The following AK5 variants were observed in gnomAD, a reference collection of about 807,000 sequenced individuals.
AK5 encodes adenylate kinase 5, also known as adenylate kinase isoenzyme 5.
In AK5, 27 loss-of-function variants were observed where a neutral mutation model predicts 69.5. The ratio of observed to expected loss-of-function variants is 0.39; its 90% confidence interval spans 0.29 to 0.54. The LOEUF (loss-of-function observed/expected upper bound fraction) is 0.54, where lower values mean the gene tolerates loss of function less well. Ranked by LOEUF, AK5 falls within the 20% of genes least tolerant of loss-of-function variation. The pLI is 0.71. For missense variants in AK5, 531 were observed against 700.4 expected (o/e 0.76, Z 2.73); for synonymous variants, 260 against 244.4 (o/e 1.06, Z -0.60).
At chr1:77,365,075 G>A (rs1335373642) in intron 6 of AK5, among the ~76,000 whole-genome samples, 1 of 152,112 alleles carries the variant, frequency 6.6e-6, no homozygotes, top group Non-Finnish European at 1.5e-5. Flanking sequence ...TACCTGGTGA[G>A]ATGATACTTC....
intron 6 of AK5, among the ~76,000 whole-genome samples, chr1:77,360,872 C>T (rs1646850737): frequency 6.6e-6 from 1 of 152,172 alleles, no homozygotes; most frequent in Non-Finnish European, 1.5e-5. Context: ...ACAAGATAAA[C>T]TCCCTGCCTT....
intron 10 of AK5, among the ~76,000 whole-genome samples, chr1:77,506,265 AT>A (rs202128976): frequency 1.3e-4 from 16 of 122,932 alleles, no homozygotes; most frequent in East Asian, 4.7e-4. Context: ...GTTTTTTTTC[AT>A]TTTTTGGGGT....
intron 12 of AK5, among the ~76,000 whole-genome samples, chr1:77,524,914 C>G (rs766296396): frequency 9.2e-5 from 14 of 152,006 alleles, no homozygotes; most frequent in Non-Finnish European, 1.5e-4. Flanking sequence ...TTGTTTGTTT[C>G]TTTGTTTGTT....
chr1:77,495,258 A>T (rs1348157964), intron 10 of AK5, among the ~76,000 whole-genome samples: 1 of 152,218 alleles, frequency 6.6e-6, no homozygotes, highest in Non-Finnish European at 1.5e-5. Flanking sequence ...TCAGACATCA[A>T]AGCCCATGCT....
At chr1:77,471,250 C>T (rs868643032) in intron 8 of AK5, among the ~76,000 whole-genome samples, 1 of 152,046 alleles carries the variant, frequency 6.6e-6, no homozygotes. Context: ...CGAACTCTAT[C>T]TCACACACTT....
chr1:77,298,138 T>C (rs185910523), intron 5 of AK5, 191 bp downstream of exon 5: 1 of 452,392 alleles, frequency 2.2e-6, no homozygotes, highest in East Asian at 3.4e-5. Context: ...AGACAGTCTC[T>C]GCCAAAAGGA....
At chr1:77,431,546 GA>G (rs1651639078) in intron 8 of AK5, among the ~76,000 whole-genome samples, 1 of 152,144 alleles carries the variant, frequency 6.6e-6, no homozygotes, top group Admixed American at 6.5e-5. Context: ...GTTTAGGAAG[GA>G]AGTGGGTAGA....
intron 10 of AK5, among the ~76,000 whole-genome samples, chr1:77,486,694 C>CAAAAAAA (rs879594150): frequency 1.2e-4 from 11 of 88,776 alleles, no homozygotes; most frequent in African/African-American, 4.2e-4. Flanking sequence ...AAGACTCTGT[C>CAAAAAAA]AAAAAAAAAA....
In AK5 at chr1:77,470,826, AATATATATATATATATAT is replaced by A. The variant is rs71075744; in HGVS notation, c.1060-12458_1060-12441del. Among the ~76,000 whole-genome samples, 76 of 51,164 alleles carry A rather than the reference AATATATATATATATATAT, an allele frequency of 1.5e-3. 2 individuals are homozygous for A. Among genetic ancestry groups the A allele is most frequent in the East Asian group, 2.6e-3 (4 of 1,510 alleles). 33.6% of individuals were successfully genotyped at this position (51,164 alleles called of 152,430 possible). A position where few individuals can be genotyped will look rare whatever the true frequency, so the allele number is the denominator to read the frequency against. On this transcript the variant is annotated intron_variant, in intron 8 of 13. Transcript: ENST00000354567. The stretch of plus-strand genomic sequence containing the variant: ...TTTCTCATTTTAATGGCACATTTAG[AATATATATATATATATAT>A]ATATATATATATATATATATATATA...
At chr1:77,429,320 T>C (rs1021181364) in intron 8 of AK5, among the ~76,000 whole-genome samples, 1 of 152,236 alleles carries the variant, frequency 6.6e-6, no homozygotes, top group Non-Finnish European at 1.5e-5. Flanking sequence ...GGTATCTCAT[T>C]GTGGTTTTGA....
intron 13 of AK5, among the ~76,000 whole-genome samples, chr1:77,538,102 C>T (rs1659067280): frequency 6.6e-6 from 1 of 152,080 alleles, no homozygotes; most frequent in Non-Finnish European, 1.5e-5. Context: ...CTTTGGGAGG[C>T]CAAGACAGGA....
At chr1:77,497,904 A>T (rs1656448586) in intron 10 of AK5, among the ~76,000 whole-genome samples, 1 of 151,890 alleles carries the variant, frequency 6.6e-6, no homozygotes, top group African/African-American at 2.4e-5. Flanking sequence ...CTTAAGATTG[A>T]GATGCTTATG....
intron 8 of AK5, among the ~76,000 whole-genome samples, chr1:77,452,554 C>T (rs1557603720): frequency 6.6e-6 from 1 of 152,204 alleles, no homozygotes; most frequent in Non-Finnish European, 1.5e-5. Flanking sequence ...AAAATATCTG[C>T]AGTCTGTTGA....
At chr1:77,436,149 A>G (rs1365366178) in intron 8 of AK5, among the ~76,000 whole-genome samples, 2 of 152,232 alleles carry the variant, frequency 1.3e-5, no homozygotes, top group East Asian at 1.9e-4. Context: ...TCTGTTTCCT[A>G]CTTACTGGTT....
intron 3 of AK5, among the ~76,000 whole-genome samples, 176 bp downstream of exon 3, chr1:77,294,136 A>G (rs1411129943): frequency 6.6e-6 from 1 of 152,212 alleles, no homozygotes; most frequent in African/African-American, 2.4e-5. Context: ...TAAAATAGAA[A>G]TTGTTATAAT....
chr1:77,529,999 C>T (rs1658491285), intron 12 of AK5, among the ~76,000 whole-genome samples: 1 of 152,208 alleles, frequency 6.6e-6, no homozygotes, highest in Admixed American at 6.5e-5. Context: ...TGCCTTACTA[C>T]TCTCAACTAT....
chr1:77,548,898 C>CTTTTTTT (rs34026852), intron 13 of AK5, among the ~76,000 whole-genome samples: 4 of 87,892 alleles, frequency 4.6e-5, no homozygotes, highest in Non-Finnish European at 6.7e-5. Context: ...TTGCTTTTAG[C>CTTTTTTT]TTTTTTTTTT....
chr1:77,519,884 A>G (rs1236501537), intron 11 of AK5, among the ~76,000 whole-genome samples: 1 of 151,862 alleles, frequency 6.6e-6, no homozygotes, highest in Non-Finnish European at 1.5e-5. Context: ...TCTTGTACTG[A>G]CCTCCTATCT....
chr1:77,320,725 G>A (rs749991955), intron 5 of AK5, among the ~76,000 whole-genome samples: 5 of 152,064 alleles, frequency 3.3e-5, no homozygotes, highest in Non-Finnish European at 5.9e-5. Context: ...CTCCAGCCTG[G>A]GTGTTGACAA....
Sources: gnomAD v4.1 joint callset for allele counts (sites outside exome capture counted in the v4.1 genomes callset) on GRCh38, gnomAD v4.1.1 for gene constraint, MANE v1.5 for transcripts, NCBI Gene and HGNC (gene_info 2026-07-23, HGNC 2026-07-21) for gene names.